Variants in SKI observed in about 807,000 individuals in gnomAD.
The protein encoded by SKI is SKI proto-oncogene.
In SKI, 23 loss-of-function variants were observed where a neutral mutation model predicts 59.3. The observed-to-expected ratio is 0.39, with a 90% confidence interval of 0.28 to 0.55. The LOEUF (loss-of-function observed/expected upper bound fraction) is 0.55. Ranked by LOEUF, SKI falls within the 20% of genes least tolerant of loss-of-function variation. The pLI is 0.67. For synonymous variants in SKI, 673 were observed against 488.6 expected (o/e 1.38, Z -4.98); for missense variants, 1,017 against 1,038.9 (o/e 0.98, Z 0.29).
chr1:2,290,796 A>T (rs929323545), intron 1 of SKI, among the ~76,000 whole-genome samples: 1 of 152,038 alleles, frequency 6.6e-6, no homozygotes, highest in Non-Finnish European at 1.5e-5. Flanking sequence ...GGCAGGACGC[A>T]TTGTCACCCC....
At chr1:2,277,366 C>A (rs554030247) in intron 1 of SKI, among the ~76,000 whole-genome samples, 6 of 152,210 alleles carry the variant, frequency 3.9e-5, no homozygotes, top group African/African-American at 1.2e-4. Context: ...GGGAGGGACC[C>A]AGGGGAGGCA....
intron 1 of SKI, among the ~76,000 whole-genome samples, chr1:2,287,671 G>A (rs1011748822): frequency 6.6e-6 from 1 of 152,170 alleles, no homozygotes. Context: ...CCGCAGGGGG[G>A]GTGTGGACGG....
Position 2,229,219 on chromosome 1 carries a change from G to T in SKI, c.453G>T (p.Ser151=), listed in dbSNP as rs566906261. Residue 151 remains serine, a synonymous_variant, in exon 1 of 7, where the codon TCG becomes TCT. Transcript: ENST00000378536. The surrounding 1 kb of genome is among the most constrained non-coding windows in gnomAD (Gnocchi z 6.3). ...AVCDELHIYC[S]RCTADQLEIL... Reference sequence around the variant, plus strand: ...GCGACGAGCTCCACATCTACTGCTCGCGCTGCACGGCCGACCAGCTGGAGA... The same window carrying T: ...GCGACGAGCTCCACATCTACTGCTCTCGCTGCACGGCCGACCAGCTGGAGA... 17 of 1,608,482 alleles carry T rather than the reference G, an allele frequency of 1.1e-5. No homozygotes were observed. The African/African-American group carries it at 2.3e-4, about 21-fold the overall frequency.
intron 1 of SKI, among the ~76,000 whole-genome samples, chr1:2,300,657 ACGTTTCTCTC>A (rs1359629713): frequency 6.6e-6 from 1 of 151,968 alleles, no homozygotes; most frequent in East Asian, 1.9e-4. Flanking sequence ...TCTATTTTAC[ACGTTTCTCTC>A]CGTTTCTCTG....
chr1:2,250,124 T>C (rs1639105131), intron 1 of SKI, among the ~76,000 whole-genome samples: 1 of 152,204 alleles, frequency 6.6e-6, no homozygotes, highest in African/African-American at 2.4e-5. Flanking sequence ...CAAGCTAGTC[T>C]CGAACTCCTG....
chr1:2,252,103 A>C (rs1194558034), intron 1 of SKI, among the ~76,000 whole-genome samples: 2 of 152,132 alleles, frequency 1.3e-5, no homozygotes, highest in African/African-American at 4.8e-5. Flanking sequence ...CCCCGGTGAG[A>C]GATCTGAGGA....
chr1:2,293,073 C>T (rs565805532), intron 1 of SKI, among the ~76,000 whole-genome samples: 47 of 152,212 alleles, frequency 3.1e-4, no homozygotes, highest in Admixed American at 2.9e-3. Flanking sequence ...GGCAGGAACC[C>T]GGCAAATTTG....
intron 1 of SKI, among the ~76,000 whole-genome samples, chr1:2,276,127 T>A (rs532182107): frequency 6.6e-6 from 1 of 152,220 alleles, no homozygotes; most frequent in African/African-American, 2.4e-5. Flanking sequence ...TGGCATTTAC[T>A]GTGATTGAGC....
chr1:2,236,818 G>A (rs959604133), intron 1 of SKI, among the ~76,000 whole-genome samples: 9 of 152,184 alleles, frequency 5.9e-5, no homozygotes, highest in African/African-American at 2.2e-4. Flanking sequence ...CCCTTGGCTG[G>A]TGAGGCTGAG....
At chr1:2,293,370 A>C (rs1195677129) in intron 1 of SKI, among the ~76,000 whole-genome samples, 1 of 151,986 alleles carries the variant, frequency 6.6e-6, no homozygotes, top group Non-Finnish European at 1.5e-5. Context: ...TGGAAGGTCC[A>C]GCCGAGGGTT....
intron 1 of SKI, among the ~76,000 whole-genome samples, chr1:2,287,748 G>C (rs1640074132): frequency 6.6e-6 from 1 of 152,188 alleles, no homozygotes; most frequent in African/African-American, 2.4e-5. Flanking sequence ...GACAGGGCTT[G>C]TGGCAGCCGT....
In SKI at chr1:2,267,417, G is replaced by A. The variant is rs1323760564; in HGVS notation, c.970-35561G>A. Reference sequence around the variant, plus strand: ...TGTTGACAGGGCCGTTCGGGCCGGAGCAGGTGCGACAGGAATGTCCCACGT... The same window carrying A: ...TGTTGACAGGGCCGTTCGGGCCGGAACAGGTGCGACAGGAATGTCCCACGT... On this transcript the variant is annotated intron_variant, in intron 1 of 6. Transcript: ENST00000378536. This position sits in a 1 kb window ranked among gnomAD's most constrained non-coding sequence, Gnocchi z 4.1. 6.6e-6 allele frequency among the ~76,000 whole-genome samples: 1 copy of A among 152,212 alleles called. No individual in the cohort carries two copies. The highest frequency in any genetic ancestry group is 1.5e-5 in the Non-Finnish European group (1 of 68,032).
rs2100790462 is a variant in SKI, at chr1:2,229,329, C to T, written c.563C>T (p.Ala188Val). The part of the protein sequence containing the change: ...TKTDAERLCN[A>V]LLYGGAYPPP... ...ACGGACGCCGAGCGCCTGTGCAACGCGCTGCTCTACGGCGGCGCCTACCCG... is the reference window on the plus strand; with the variant it reads ...ACGGACGCCGAGCGCCTGTGCAACGTGCTGCTCTACGGCGGCGCCTACCCG... The change falls in exon 1 of 7, where the codon GCG becomes GTG. Residue 188 changes from alanine to valine, a missense_variant. Coordinates refer to ENST00000378536, the MANE Select transcript of SKI (RefSeq NM_003036.4). This position sits in a 1 kb window ranked among gnomAD's most constrained non-coding sequence, Gnocchi z 6.3. 1 of 1,596,200 alleles carries T rather than the reference C, an allele frequency of 6.3e-7. No individual in the cohort carries two copies.
chr1:2,265,730 G>T (rs2100845610), intron 1 of SKI, among the ~76,000 whole-genome samples: 1 of 152,306 alleles, frequency 6.6e-6, no homozygotes, highest in South Asian at 2.1e-4. Context: ...ACTTTGGGAG[G>T]CTGAGGTGGG....
At chr1:2,259,114 C>T (rs1055087198) in intron 1 of SKI, among the ~76,000 whole-genome samples, 3 of 152,180 alleles carry the variant, frequency 2.0e-5, no homozygotes, top group Non-Finnish European at 4.4e-5. Context: ...AGCAAGTTCC[C>T]AGATGACATG....
intron 1 of SKI, among the ~76,000 whole-genome samples, chr1:2,273,445 G>T (rs182153557): frequency 6.6e-6 from 1 of 152,124 alleles, no homozygotes; most frequent in African/African-American, 2.4e-5. Flanking sequence ...TCTCAGCTTG[G>T]CATGGGGAGG....
At chr1:2,243,710 C>T (rs889696959) in intron 1 of SKI, among the ~76,000 whole-genome samples, 6 of 152,158 alleles carry the variant, frequency 3.9e-5, no homozygotes, top group African/African-American at 1.4e-4. Flanking sequence ...TTCTCTGCTG[C>T]ATGGGATGCT....
At chr1:2,233,542 G>T (rs888176951) in intron 1 of SKI, among the ~76,000 whole-genome samples, 1 of 152,130 alleles carries the variant, frequency 6.6e-6, no homozygotes, top group African/African-American at 2.4e-5. Flanking sequence ...GTTGAGGGTC[G>T]CTTGGTTGGG....
chr1:2,229,454 G>A lies in SKI; in HGVS notation c.688G>A (p.Gly230Arg). 6.2e-7 allele frequency: 1 copy of A among 1,612,176 alleles called. No individual in the cohort carries two copies. Among genetic ancestry groups the A allele is most frequent in the Non-Finnish European group, 8.5e-7 (1 of 1,179,818 alleles). The change falls in exon 1 of 7, where the codon GGG (glycine) becomes AGG (arginine). Residue 230 changes from glycine (G) to arginine (R), a missense_variant. Transcript: ENST00000378536. This position sits in a 1 kb window ranked among gnomAD's most constrained non-coding sequence, Gnocchi z 6.3. ...CCACGAGTGCTTCGGCAAGTGTAAG[G>A]GGCTGCTGGTGCCCGAGCTCTACAG... ...VYHECFGKCK[G>R]LLVPELYSSP... is the part of the protein sequence containing the mutation.
Sources: allele counts gnomAD v4.1 joint callset (sites outside exome capture counted in the v4.1 genomes callset), GRCh38; gene constraint gnomAD v4.1.1; non-coding constraint Gnocchi (gnomAD v3.1); transcripts MANE v1.5; gene names NCBI Gene and HGNC (gene_info 2026-07-23, HGNC 2026-07-21).